The following SORCS2 variants were observed in gnomAD, a reference collection of about 807,000 sequenced individuals.
SORCS2 encodes the protein sortilin related VPS10 domain containing receptor 2.
In SORCS2, 100 loss-of-function variants were observed where a neutral mutation model predicts 141.6. The ratio of observed to expected loss-of-function variants is 0.71; its 90% CI spans 0.60 to 0.83. SORCS2 has a LOEUF of 0.83. SORCS2 is among the 40% of genes least tolerant of loss of function. The probability of loss-of-function intolerance (pLI) is 0.00; values close to 1 mark genes in which losing one functional copy is unlikely to be tolerated. For synonymous variants in SORCS2, 789 were observed against 676.9 expected (o/e 1.17, Z -2.57); for missense variants, 1,646 against 1,560.2 (o/e 1.05, Z -0.93).
In SORCS2 at chr4:7,725,254, C is replaced by T. The variant is rs368731716; in HGVS notation, c.2712C>T (p.Thr904=). The T allele has an allele frequency of 1.2e-4, 199 of 1,613,452 alleles. No individual in the cohort carries two copies. Among genetic ancestry groups the T allele is most frequent in the Admixed American group, 2.5e-4 (15 of 59,986 alleles). ...AVLLPLNPNL[T]VFYWWIGHSL... ...TGCTTCCCTTGAACCCTAACCTCAC[C>T]GTCTTCTACTGGTGGATCGGCCACA... Residue 904 remains threonine, a synonymous_variant, in exon 20 of 27, where the codon ACC becomes ACT. Coordinates refer to ENST00000507866, the MANE Select transcript of SORCS2 (RefSeq NM_020777.3).
intron 2 of SORCS2, among the ~76,000 whole-genome samples, chr4:7,409,331 G>A (rs1725161389): frequency 6.6e-6 from 1 of 152,166 alleles, no homozygotes; most frequent in South Asian, 2.1e-4. Context: ...AGGTCTCAAA[G>A]GGGATTTCTG....
chr4:7,562,256 G>C (rs1418935244), intron 3 of SORCS2, among the ~76,000 whole-genome samples: 2 of 152,160 alleles, frequency 1.3e-5, no homozygotes, highest in Non-Finnish European at 2.9e-5. Flanking sequence ...GCTGTGGGGA[G>C]ATGGGAAAGA....
At chr4:7,253,743 C>T (rs911682682) in intron 1 of SORCS2, among the ~76,000 whole-genome samples, 1 of 152,198 alleles carries the variant, frequency 6.6e-6, no homozygotes, top group Non-Finnish European at 1.5e-5. Context: ...GGCAAGGCAG[C>T]CCCTCCAGGT....
intron 5 of SORCS2, among the ~76,000 whole-genome samples, chr4:7,659,537 T>C (rs1292291728): frequency 6.6e-6 from 1 of 152,220 alleles, no homozygotes; most frequent in African/African-American, 2.4e-5. Flanking sequence ...AAGGCGAGGC[T>C]TTCAGACTTG....
intron 1 of SORCS2, among the ~76,000 whole-genome samples, chr4:7,262,323 CATCCATCCATCT>C (rs1714398387): frequency 6.8e-6 from 1 of 147,912 alleles, no homozygotes; most frequent in African/African-American, 2.7e-5. Flanking sequence ...CCTATCCATC[CATCCATCCATCT>C]ATCCATCCAT....
chr4:7,432,966 T>G, intron 2 of SORCS2: 1 of 182,996 alleles, frequency 5.5e-6, no homozygotes. Context: ...CACAGCCAGA[T>G]GTCCATCCAG....
chr4:7,217,725 C>T (rs893208422), intron 1 of SORCS2, among the ~76,000 whole-genome samples: 54 of 152,272 alleles, frequency 3.5e-4, no homozygotes, highest in African/African-American at 1.1e-3. Flanking sequence ...TGTGACAACA[C>T]GCACACACAA....
chr4:7,386,421 GCA>G (rs1288085284), intron 1 of SORCS2, among the ~76,000 whole-genome samples: 1 of 80,490 alleles, frequency 1.2e-5, no homozygotes, highest in Non-Finnish European at 2.4e-5. Context: ...ACGCACACAT[GCA>G]CACACATACA....
rs777788592 is a variant in SORCS2, at chr4:7,664,363, C to T, written c.963C>T (p.Tyr321=). The change falls in exon 7 of 27, where the codon TAC becomes TAT. Residue 321 remains tyrosine, a synonymous_variant. Coordinates refer to ENST00000507866, the MANE Select transcript of SORCS2 (RefSeq NM_020777.3). This position sits in a 1 kb window ranked among gnomAD's most constrained non-coding sequence, Gnocchi z 4.7. ...GCCTCTCTCCTGTAGATTTTCGGTA[C>T]GTCACCTGCGCAATCCACAATTGCT... The part of the protein sequence containing the change: ...EAQDLGGDFR[Y]VTCAIHNCSE... 78 of 1,613,342 alleles carry T rather than the reference C, an allele frequency of 4.8e-5. No homozygotes were observed. Among genetic ancestry groups the T allele is most frequent in the African/African-American group, 4.3e-4 (32 of 74,878 alleles).
rs535307163 is a variant in SORCS2 at position 7,495,660 on chromosome 4, G to A, written c.549-35870G>A. ...ACAGCTGGGAGGGCCATGGACGTCAGTCACCTCATTGTGCAGATGGGGAAA... is the reference window on the plus strand; with the variant it reads ...ACAGCTGGGAGGGCCATGGACGTCAATCACCTCATTGTGCAGATGGGGAAA... On this transcript the variant is annotated intron_variant, in intron 2 of 26. Coordinates refer to ENST00000507866, the MANE Select transcript of SORCS2 (RefSeq NM_020777.3). Among the ~76,000 whole-genome samples, 3 of 152,342 alleles carry A rather than the reference G, an allele frequency of 2.0e-5. No homozygotes were observed. In the South Asian group the frequency reaches 6.2e-4, roughly 32 times the overall value.
intron 1 of SORCS2, among the ~76,000 whole-genome samples, chr4:7,209,338 C>T (rs139637497): frequency 2.0e-5 from 3 of 152,302 alleles, no homozygotes; most frequent in Admixed American, 6.5e-5. Context: ...TCCCAGGGCT[C>T]GGACTCCATC....
intron 2 of SORCS2, among the ~76,000 whole-genome samples, chr4:7,409,684 C>A (rs953389915): frequency 2.6e-5 from 4 of 152,146 alleles, no homozygotes; most frequent in Admixed American, 1.3e-4. Flanking sequence ...AGGCTCAGTG[C>A]CAGGCAGGAT....
chr4:7,660,138 T>G (rs749044211), intron 5 of SORCS2, among the ~76,000 whole-genome samples: 3 of 152,232 alleles, frequency 2.0e-5, no homozygotes, highest in Non-Finnish European at 4.4e-5. Context: ...TCAAGTGACA[T>G]GCTGTGTGCA....
At chr4:7,317,946 T>C (rs1325085374) in intron 1 of SORCS2, among the ~76,000 whole-genome samples, 1 of 152,162 alleles carries the variant, frequency 6.6e-6, no homozygotes, top group Admixed American at 6.5e-5. Context: ...CCCCTAGCAC[T>C]TCAGAATGTG....
At chr4:7,232,629 C>T (rs1241214502) in intron 1 of SORCS2, among the ~76,000 whole-genome samples, 2 of 152,224 alleles carry the variant, frequency 1.3e-5, no homozygotes, top group Admixed American at 1.3e-4. Context: ...GGTGCTGGGG[C>T]TTTGCATAAT....
At chr4:7,674,503 G>A (rs566081135) in intron 8 of SORCS2, among the ~76,000 whole-genome samples, 2 of 151,082 alleles carry the variant, frequency 1.3e-5, no homozygotes, top group Non-Finnish European at 1.5e-5. Context: ...AACCCGGGGG[G>A]GCAGAGCTTG....
chr4:7,342,150 C>T (rs1487050485), intron 1 of SORCS2, among the ~76,000 whole-genome samples: 3 of 152,170 alleles, frequency 2.0e-5, no homozygotes, highest in African/African-American at 7.2e-5. Context: ...AAGGCCTCGC[C>T]CATTCAAGGA....
chr4:7,566,614 C>T (rs974483974), intron 3 of SORCS2, among the ~76,000 whole-genome samples: 1 of 152,264 alleles, frequency 6.6e-6, no homozygotes, highest in African/African-American at 2.4e-5. Context: ...AAGATCACTT[C>T]TCACTCAGGG....
At chr4:7,676,459 A>C (rs575579175) in intron 9 of SORCS2, among the ~76,000 whole-genome samples, 2 of 152,204 alleles carry the variant, frequency 1.3e-5, no homozygotes, top group Admixed American at 6.5e-5. Context: ...TCGAAATACA[A>C]TGATCATCAA....
Sources: allele counts gnomAD v4.1 joint callset (sites outside exome capture counted in the v4.1 genomes callset), GRCh38; gene constraint gnomAD v4.1.1; non-coding constraint Gnocchi (gnomAD v3.1); transcripts MANE v1.5; gene names NCBI Gene and HGNC (gene_info 2026-07-23, HGNC 2026-07-21).